EHBP1: variants seen among roughly 807,000 people sequenced by gnomAD.
EHBP1 encodes EH domain binding protein 1.
In EHBP1, 55 loss-of-function variants were observed where a neutral mutation model predicts 144.0. The ratio of observed to expected loss-of-function variants is 0.38; its 90% CI spans 0.31 to 0.48. EHBP1 has a LOEUF of 0.48. EHBP1 is among the 20% of genes least tolerant of loss of function. EHBP1 has a pLI of 0.98. For missense variants in EHBP1, 1,200 were observed against 1,364.2 expected (o/e 0.88, Z 1.90); for synonymous variants, 469 against 472.7 (o/e 0.99, Z 0.10).
intron 1 of EHBP1, among the ~76,000 whole-genome samples, chr2:62,697,009 A>G (rs1558514190): frequency 6.6e-6 from 1 of 152,134 alleles, no homozygotes; most frequent in African/African-American, 2.4e-5. Context: ...ATTAAATAGG[A>G]TGGGTGTGTT....
At position 62,864,810 on chromosome 2, in the gene EHBP1, G is replaced by A. The variant is rs549780139; in HGVS notation, c.837G>A (p.Val279=). ...ACAGCTATAATCCCTTTAAAGAGGT[G>A]CAGACTCCACAGTATTTGAACCCAT... ...YNNSYNPFKE[V]QTPQYLNPFD... Residue 279 remains valine, a synonymous_variant, in exon 9 of 23, where the codon GTG becomes GTA. Transcript: ENST00000431489. 5 of 1,613,890 alleles carry A rather than the reference G, an allele frequency of 3.1e-6. No individual in the cohort carries two copies. Among genetic ancestry groups the A allele is most frequent in the South Asian group, 1.1e-5 (1 of 91,082 alleles).
intron 19 of EHBP1, among the ~76,000 whole-genome samples, chr2:63,000,252 G>C (rs1198537642): frequency 6.6e-6 from 1 of 152,202 alleles, no homozygotes; most frequent in Non-Finnish European, 1.5e-5. Context: ...CAGGAGCTGG[G>C]AAAGGGCACC....
intron 5 of EHBP1, among the ~76,000 whole-genome samples, chr2:62,775,466 G>C (rs1221935312): frequency 1.3e-5 from 2 of 152,080 alleles, no homozygotes; most frequent in East Asian, 3.9e-4. Flanking sequence ...ACACTGAAAA[G>C]GTATGCTCTT....
At chr2:62,925,994 C>T (rs1435637889) in intron 10 of EHBP1, among the ~76,000 whole-genome samples, 2 of 151,990 alleles carry the variant, frequency 1.3e-5, no homozygotes, top group African/African-American at 2.4e-5. Flanking sequence ...ACTACCAGAC[C>T]TCAAAGTGTA....
At chr2:62,696,837 T>A (rs558956439) in intron 1 of EHBP1, among the ~76,000 whole-genome samples, 1 of 152,214 alleles carries the variant, frequency 6.6e-6, no homozygotes, top group African/African-American at 2.4e-5. Flanking sequence ...TTTTAACATT[T>A]AAAAAATCAC....
chr2:62,780,275 G>A (rs892838826), intron 5 of EHBP1, among the ~76,000 whole-genome samples: 1 of 152,112 alleles, frequency 6.6e-6, no homozygotes, highest in Admixed American at 6.6e-5. Context: ...ACAGGAGGAA[G>A]CTCATGGTTC....
intron 5 of EHBP1, among the ~76,000 whole-genome samples, chr2:62,819,949 G>C (rs2045773830): frequency 6.6e-6 from 1 of 151,876 alleles, no homozygotes; most frequent in Non-Finnish European, 1.5e-5. Flanking sequence ...GGTGGCTCAT[G>C]CCTATAATCC....
At chr2:62,679,660 A>C (rs763233375) in intron 1 of EHBP1, among the ~76,000 whole-genome samples, 1 of 152,214 alleles carries the variant, frequency 6.6e-6, no homozygotes, top group Non-Finnish European at 1.5e-5. Context: ...TCTCAACGGT[A>C]ATAAAAGACT....
At position 62,767,540 on chromosome 2, in the gene EHBP1, T is replaced by A. The variant is rs1215589941; in HGVS notation, c.258+3179T>A. ...GGTGAAACCCCATCTCTACAAAAAA[T>A]ACAAAAAAAACGGACCAGGTGCAGT... On this transcript the variant is annotated intron_variant, in intron 4 of 22. Coordinates refer to ENST00000431489, the MANE Select transcript of EHBP1 (RefSeq NM_001142616.3). 2.0e-5 allele frequency among the ~76,000 whole-genome samples: 3 copies of A among 150,258 alleles called. No homozygotes were observed. In the Admixed American group the frequency reaches 2.0e-4, roughly 10 times the overall value.
At chr2:62,910,788 A>T (rs558693876) in intron 10 of EHBP1, among the ~76,000 whole-genome samples, 13 of 152,270 alleles carry the variant, frequency 8.5e-5, no homozygotes, top group African/African-American at 3.1e-4. Flanking sequence ...CTGCCCTAAT[A>T]TTTTGATGGG....
chr2:62,867,214 C>T (rs748631260), intron 9 of EHBP1, among the ~76,000 whole-genome samples: 3 of 151,920 alleles, frequency 2.0e-5, no homozygotes, highest in East Asian at 3.9e-4. Flanking sequence ...AGAAGTAAAA[C>T]GTTATGATGG....
At chr2:62,948,239 T>C (rs568683320) in intron 12 of EHBP1, 21 bp from the exon 13 acceptor site, 1 of 1,521,626 alleles carries the variant, frequency 6.6e-7, no homozygotes, top group African/African-American at 1.4e-5. Flanking sequence ...AATATATCTT[T>C]TGTTTTTCCT....
intron 2 of EHBP1, among the ~76,000 whole-genome samples, chr2:62,730,817 A>G (rs369758797): frequency 4.2e-5 from 1 of 23,536 alleles, no homozygotes; most frequent in South Asian, 1.5e-3. Context: ...GACAGAGAGA[A>G]AAAGAAAGAG....
chr2:62,779,577 C>T (rs1034108721), intron 5 of EHBP1, among the ~76,000 whole-genome samples: 2 of 152,134 alleles, frequency 1.3e-5, no homozygotes, highest in Admixed American at 6.6e-5. Context: ...AATGATAAAT[C>T]AAAGATCCCT....
chr2:63,036,141 A>C (rs566947860), intron 19 of EHBP1, among the ~76,000 whole-genome samples: 4 of 152,042 alleles, frequency 2.6e-5, no homozygotes, highest in Non-Finnish European at 2.9e-5. Flanking sequence ...TTTATATTCT[A>C]TTTGTATTCT....
chr2:62,830,417 G>A (rs2046746463), intron 6 of EHBP1, among the ~76,000 whole-genome samples: 1 of 152,086 alleles, frequency 6.6e-6, no homozygotes, highest in Non-Finnish European at 1.5e-5. Context: ...ACAGGCATGA[G>A]CCACCATGCC....
intron 1 of EHBP1, among the ~76,000 whole-genome samples, chr2:62,679,306 A>T (rs1222959324): frequency 6.6e-6 from 1 of 152,232 alleles, no homozygotes; most frequent in Non-Finnish European, 1.5e-5. Context: ...CATAAATACC[A>T]TAAGCTTGAC....
intron 5 of EHBP1, among the ~76,000 whole-genome samples, chr2:62,819,004 A>G (rs1366996990): frequency 5.9e-5 from 9 of 152,218 alleles, no homozygotes; most frequent in Admixed American, 5.9e-4. Flanking sequence ...AGAATGGGAA[A>G]GGATGCCGCA....
chr2:63,013,363 A>G (rs1355773779), intron 19 of EHBP1, among the ~76,000 whole-genome samples: 3 of 152,202 alleles, frequency 2.0e-5, no homozygotes, highest in Non-Finnish European at 2.9e-5. Flanking sequence ...TATTAAAGGT[A>G]TGCATTAAGA....
Sources: allele counts gnomAD v4.1 joint callset (sites outside exome capture counted in the v4.1 genomes callset), GRCh38; gene constraint gnomAD v4.1.1; transcripts MANE v1.5; gene names NCBI Gene and HGNC (gene_info 2026-07-23, HGNC 2026-07-21).